The following TBCE variants were observed in gnomAD, a reference collection of about 807,000 sequenced individuals.
TBCE encodes tubulin folding cofactor E.
TBCE carries 53 observed loss-of-function variants against 77.0 expected under a neutral mutation model. The ratio of observed to expected loss-of-function variants is 0.69; its 90% confidence interval spans 0.55 to 0.87. The LOEUF is 0.87. Ranked by LOEUF, TBCE falls within the 40% of genes least tolerant of loss-of-function variation. The pLI is 0.00. For missense variants in TBCE, 624 were observed against 622.4 expected, an observed-to-expected ratio of 1.00 and a Z score of -0.03; for synonymous variants, 235 against 241.3, an observed-to-expected ratio of 0.97 and a Z score of 0.24.
At chr1:235,399,788 A>G (rs1299850899) in intron 2 of TBCE, among the ~76,000 whole-genome samples, 1 of 152,218 alleles carries the variant, frequency 6.6e-6, no homozygotes, top group Non-Finnish European at 1.5e-5. Context: ...CTGGTCGGTC[A>G]GAAGTTCCAG....
chr1:235,378,771 GA>G (rs1391498910), intron 1 of TBCE, among the ~76,000 whole-genome samples: 2 of 152,168 alleles, frequency 1.3e-5, no homozygotes, highest in Non-Finnish European at 2.9e-5. Context: ...TGTGGCAGGA[GA>G]ATTGCTTGAA....
chr1:235,398,333 A>G (rs1678873010), intron 2 of TBCE, among the ~76,000 whole-genome samples: 1 of 151,684 alleles, frequency 6.6e-6, no homozygotes, highest in South Asian at 2.1e-4. Flanking sequence ...TTTAGTAGAG[A>G]TGGGGTTTTG....
At chr1:235,381,725 T>G (rs1432452256) in intron 2 of TBCE, among the ~76,000 whole-genome samples, 1 of 150,930 alleles carries the variant, frequency 6.6e-6, no homozygotes, top group African/African-American at 2.4e-5. Flanking sequence ...CTGATTTGCT[T>G]TATTGTAATT....
rs1452092293 is a variant in TBCE, at chr1:235,438,689, G to T, written c.1117-80G>T. 3.9e-6 allele frequency: 6 copies of T among 1,551,058 alleles called. No individual in the cohort carries two copies. In the Admixed American group the frequency reaches 1.0e-4, roughly 26 times the overall value. ...ATTATTTTCTGCATGTGCTATGGAG[G>T]AAGGACAAGGTGCAAAACGCAAAGG... On this transcript the variant is annotated intron_variant, in intron 12 of 16. Coordinates refer to ENST00000642610, the MANE Select transcript of TBCE (RefSeq NM_003193.5).
chr1:235,395,859 A>G (rs1001112389), intron 2 of TBCE, among the ~76,000 whole-genome samples: 7 of 151,442 alleles, frequency 4.6e-5, no homozygotes, highest in Non-Finnish European at 1.0e-4. Flanking sequence ...TCTACTTGCT[A>G]TCTCCATGAG....
intron 1 of TBCE, among the ~76,000 whole-genome samples, chr1:235,372,922 T>TA (rs71174418): frequency 0.073 from 5,563 of 75,938 alleles, 357 homozygotes; most frequent in African/African-American, 0.19. Flanking sequence ...AGACTCCGTC[T>TA]AAAAAAAAAA....
chr1:235,403,581 T>G (rs1679249293), intron 3 of TBCE, among the ~76,000 whole-genome samples: 1 of 152,168 alleles, frequency 6.6e-6, no homozygotes, highest in Non-Finnish European at 1.5e-5. Flanking sequence ...TTGTCCATAC[T>G]TTTATGGTCT....
chr1:235,372,922 T>TAAAA (rs71174418), intron 1 of TBCE, among the ~76,000 whole-genome samples: 1 of 76,196 alleles, frequency 1.3e-5, no homozygotes, highest in Admixed American at 1.6e-4. Flanking sequence ...AGACTCCGTC[T>TAAAA]AAAAAAAAAA....
chr1:235,436,486 C>A (rs369669769), intron 10 of TBCE, 36 bp downstream of exon 10: 106 of 1,610,500 alleles, frequency 6.6e-5, no homozygotes, highest in South Asian at 2.4e-4. Flanking sequence ...ACTGCCCCCC[C>A]ACACTATACT....
At chr1:235,401,979 G>C (rs1368192273) in intron 3 of TBCE, among the ~76,000 whole-genome samples, 1 of 151,248 alleles carries the variant, frequency 6.6e-6, no homozygotes, top group Non-Finnish European at 1.5e-5. Flanking sequence ...ACAAAATACA[G>C]AACATCTGAA....
chr1:235,394,354 G>A lies in TBCE; in HGVS notation c.101-7149G>A, dbSNP rs372664183. ...CTCCCAAAATGCTGGGATTACAGGC[G>A]TGAGCCACCATGCCTGGCCTGTAAT... On this transcript the variant is annotated intron_variant, in intron 2 of 16. Coordinates refer to ENST00000642610, the MANE Select transcript of TBCE (RefSeq NM_003193.5). 6.3e-4 allele frequency among the ~76,000 whole-genome samples: 95 copies of A among 151,146 alleles called. 1 individual carries two copies. Among genetic ancestry groups the A allele is most frequent in the African/African-American group, 2.0e-3 (82 of 41,168 alleles).
intron 1 of TBCE, among the ~76,000 whole-genome samples, chr1:235,374,002 T>G (rs1345837095): frequency 6.9e-6 from 1 of 144,004 alleles, no homozygotes; most frequent in Non-Finnish European, 1.5e-5. Context: ...TGAGACTGAG[T>G]CTTTCTTTGT....
intron 2 of TBCE, among the ~76,000 whole-genome samples, chr1:235,388,788 A>C (rs1254919597): frequency 6.6e-6 from 1 of 152,220 alleles, no homozygotes; most frequent in African/African-American, 2.4e-5. Flanking sequence ...TGGGACCAGT[A>C]CTCATGGAAG....
At chr1:235,416,553 A>C (rs951651477) in intron 4 of TBCE, among the ~76,000 whole-genome samples, 2 of 141,024 alleles carry the variant, frequency 1.4e-5, no homozygotes, top group Non-Finnish European at 1.6e-5. Flanking sequence ...AAAAAAAAAA[A>C]CCCCAAATAT....
chr1:235,424,883 C>T (rs539291676), intron 5 of TBCE, among the ~76,000 whole-genome samples: 14 of 152,264 alleles, frequency 9.2e-5, no homozygotes, highest in South Asian at 2.1e-4. Context: ...TCAGGTGATC[C>T]GCCCACTTTG....
At chr1:235,394,606 A>AT (rs1285902338) in intron 2 of TBCE, among the ~76,000 whole-genome samples, 2 of 150,900 alleles carry the variant, frequency 1.3e-5, no homozygotes, top group East Asian at 3.9e-4. Flanking sequence ...AATTTTTTGT[A>AT]TTTTTTAGAG....
At chr1:235,436,895 G>C (rs1349691975) in intron 11 of TBCE, among the ~76,000 whole-genome samples, 2 of 151,618 alleles carry the variant, frequency 1.3e-5, no homozygotes, top group African/African-American at 4.9e-5. Flanking sequence ...GAGGCGGGCG[G>C]ATCACCTGAG....
intron 5 of TBCE, 92 bp from the exon 6 acceptor site, chr1:235,427,048 G>A (rs1680760994): frequency 1.1e-6 from 1 of 905,182 alleles, no homozygotes; most frequent in Non-Finnish European, 1.8e-6. Flanking sequence ...AAAATGAAAA[G>A]TTAAAACGCT....
chr1:235,422,718 A>G (rs564155621), intron 5 of TBCE, among the ~76,000 whole-genome samples: 5 of 151,422 alleles, frequency 3.3e-5, no homozygotes, highest in African/African-American at 1.2e-4. Flanking sequence ...AGTCCCAGCT[A>G]CTTGGGAAGC....
Sources: gnomAD v4.1 joint callset for allele counts (sites outside exome capture counted in the v4.1 genomes callset) on GRCh38, gnomAD v4.1.1 for gene constraint, MANE v1.5 for transcripts, NCBI Gene and HGNC (gene_info 2026-07-23, HGNC 2026-07-21) for gene names.